Variants in MAP3K5 observed in about 807,000 individuals in gnomAD.
MAP3K5 encodes the protein mitogen-activated protein kinase kinase kinase 5.
In MAP3K5, 56 loss-of-function variants were observed where a neutral mutation model predicts 158.7. The ratio of observed to expected loss-of-function variants is 0.35; its 90% CI spans 0.28 to 0.44. The LOEUF (loss-of-function observed/expected upper bound fraction) is 0.44. Ranked by LOEUF, MAP3K5 falls within the 20% of genes least tolerant of loss-of-function variation. The probability of loss-of-function intolerance (pLI) is 1.00; values close to 1 mark genes in which losing one functional copy is unlikely to be tolerated. For missense variants in MAP3K5, 1,294 were observed against 1,674.8 expected, an observed-to-expected ratio of 0.77 and a Z score of 3.97; for synonymous variants, 579 against 601.7, an observed-to-expected ratio of 0.96 and a Z score of 0.55.
intron 1 of MAP3K5, among the ~76,000 whole-genome samples, chr6:136,763,963 C>T (rs1241992614): frequency 6.6e-6 from 1 of 152,196 alleles, no homozygotes; most frequent in Non-Finnish European, 1.5e-5. Flanking sequence ...AGGAAGCTCT[C>T]ACCAGATGCG....
intron 1 of MAP3K5, among the ~76,000 whole-genome samples, chr6:136,772,654 C>T (rs1784254049): frequency 6.6e-6 from 1 of 151,968 alleles, no homozygotes; most frequent in African/African-American, 2.4e-5. Context: ...AAAATCAAGC[C>T]GAGTTTTGAA....
intron 2 of MAP3K5, among the ~76,000 whole-genome samples, chr6:136,719,044 C>A (rs1417005291): frequency 6.6e-6 from 1 of 152,012 alleles, no homozygotes; most frequent in Non-Finnish European, 1.5e-5. Context: ...GGTGAGGTAG[C>A]ATGCATCTGT....
In MAP3K5 at chr6:136,753,540, A is replaced by C. The variant is rs144353644; in HGVS notation, c.449-32951T>G. Among the ~76,000 whole-genome samples the C allele has an allele frequency of 5.2e-3, 798 of 152,220 alleles. 3 individuals carry two copies. The highest frequency in any genetic ancestry group is 8.0e-3 in the Non-Finnish European group (543 of 67,996). On this transcript the variant is annotated intron_variant, in intron 1 of 29. Transcript: ENST00000359015. ...TCTAAAAGGACCAGAAAGCATTTTGATAATCTTGTTAAAATACTTTAAAAA... is the reference window on the plus strand; with the variant it reads ...TCTAAAAGGACCAGAAAGCATTTTGCTAATCTTGTTAAAATACTTTAAAAA...
intron 25 of MAP3K5, among the ~76,000 whole-genome samples, chr6:136,574,363 T>C: frequency 6.6e-6 from 1 of 152,248 alleles, no homozygotes; most frequent in East Asian, 1.9e-4. Context: ...TAATGTGAAC[T>C]TGGAGCACAT....
At chr6:136,792,561 G>T, upstream of MAP3K5, 1 of 181,630 alleles carries the variant, frequency 5.5e-6, no homozygotes. This position sits in a 1 kb window ranked among gnomAD's most constrained non-coding sequence, Gnocchi z 5.7. Context: ...GCGCCGCGCC[G>T]CGCCGCGCAG....
At chr6:136,739,800 G>A (rs547080044) in intron 1 of MAP3K5, among the ~76,000 whole-genome samples, 2 of 152,312 alleles carry the variant, frequency 1.3e-5, no homozygotes, top group Admixed American at 1.3e-4. Flanking sequence ...AGTCTTAGAT[G>A]TCTGTTATCC....
At chr6:136,665,697 G>T (rs1403881103) in intron 8 of MAP3K5, among the ~76,000 whole-genome samples, 1 of 152,140 alleles carries the variant, frequency 6.6e-6, no homozygotes, top group Non-Finnish European at 1.5e-5. Flanking sequence ...CTCTGAAAGA[G>T]GAAGGAAAAG....
In MAP3K5 at chr6:136,580,368, G is replaced by A; in HGVS notation, c.3450C>T (p.His1150=). 6.2e-7 allele frequency: 1 copy of A among 1,613,452 alleles called. No homozygotes were observed. The highest frequency in any genetic ancestry group is 8.5e-7 in the Non-Finnish European group (1 of 1,179,430). Residue 1150 remains histidine, a synonymous_variant, in exon 25 of 30, where the codon CAC becomes CAT. Transcript: ENST00000359015. ...TGATACTGTCTAAGGCAAACATCCA[G>A]TGCGGCTTGATGTTATGATTCCGAA... ...KVLRNHNIKP[H]WMFALDSIIR...
intron 1 of MAP3K5, among the ~76,000 whole-genome samples, chr6:136,759,832 A>C (rs1412138400): frequency 2.0e-5 from 3 of 149,398 alleles, no homozygotes; most frequent in African/African-American, 7.4e-5. Flanking sequence ...GCTGAGTCTG[A>C]AAAAAGAGTC....
intron 14 of MAP3K5, among the ~76,000 whole-genome samples, chr6:136,626,996 C>T (rs138852474): frequency 5.3e-5 from 8 of 152,230 alleles, no homozygotes; most frequent in African/African-American, 1.9e-4. Context: ...TAAGAGCTTA[C>T]AGGGTGATTA....
intron 1 of MAP3K5, among the ~76,000 whole-genome samples, chr6:136,745,293 A>G (rs1313456948): frequency 6.6e-6 from 1 of 152,158 alleles, no homozygotes; most frequent in African/African-American, 2.4e-5. Flanking sequence ...GATAAATATA[A>G]TCATGTATTT....
intron 1 of MAP3K5, among the ~76,000 whole-genome samples, chr6:136,731,491 T>A (rs1354877180): frequency 6.6e-6 from 1 of 152,236 alleles, no homozygotes; most frequent in African/African-American, 2.4e-5. Flanking sequence ...CAAATCGCCC[T>A]CTGCCTCTTT....
At chr6:136,705,629 G>C (rs1345286649) in intron 2 of MAP3K5, among the ~76,000 whole-genome samples, 1 of 152,116 alleles carries the variant, frequency 6.6e-6, no homozygotes, top group African/African-American at 2.4e-5. Flanking sequence ...ATCTGCGGAG[G>C]AGACAGGAGA....
At chr6:136,581,664 A>C (rs1429869675) in intron 24 of MAP3K5, among the ~76,000 whole-genome samples, 1 of 152,166 alleles carries the variant, frequency 6.6e-6, no homozygotes, top group African/African-American at 2.4e-5. Flanking sequence ...CCTAGTTTGG[A>C]AGAGAGTCAG....
chr6:136,792,335 GC>G lies in MAP3K5; in HGVS notation c.-179del, dbSNP rs1330480901. 2.0e-6 allele frequency: 2 copies of G among 1,013,536 alleles called. No individual in the cohort carries two copies. Among genetic ancestry groups the G allele is most frequent in the African/African-American group, 1.7e-5 (1 of 57,360 alleles). The allele number at this position is 1,013,536 out of a possible 1,614,324, so 62.8% of individuals were successfully genotyped here. ...CCCTCTCCCCCGAGGGCACGCCGCT[GC>G]CCGGCGGCGGCTCGCTCCTCCTCGG... On this transcript the variant is annotated 5_prime_UTR_variant, in exon 1 of 30. Coordinates refer to ENST00000359015, the MANE Select transcript of MAP3K5 (RefSeq NM_005923.4). This position sits in a 1 kb window ranked among gnomAD's most constrained non-coding sequence, Gnocchi z 5.7.
intron 8 of MAP3K5, among the ~76,000 whole-genome samples, chr6:136,668,229 T>G (rs1779313418): frequency 6.6e-6 from 1 of 151,806 alleles, no homozygotes; most frequent in African/African-American, 2.4e-5. Flanking sequence ...AAAAAAATTT[T>G]TTTAATTAGT....
upstream of MAP3K5, chr6:136,792,498 A>G (rs1785127877): frequency 3.6e-6 from 2 of 549,180 alleles, no homozygotes; most frequent in Non-Finnish European, 4.6e-6. This position sits in a 1 kb window ranked among gnomAD's most constrained non-coding sequence, Gnocchi z 5.7. Flanking sequence ...GCCGCGGTGC[A>G]GCTCAAGGGC....
chr6:136,586,563 T>C (rs767704909), intron 23 of MAP3K5, among the ~76,000 whole-genome samples: 1 of 152,234 alleles, frequency 6.6e-6, no homozygotes, highest in Non-Finnish European at 1.5e-5. Flanking sequence ...GGCTAGTATC[T>C]GGTGAGCCTG....
chr6:136,767,945 A>G (rs1012577776), intron 1 of MAP3K5, among the ~76,000 whole-genome samples: 4 of 152,238 alleles, frequency 2.6e-5, no homozygotes, highest in African/African-American at 9.6e-5. Flanking sequence ...CGCTAAGAAA[A>G]TCCAATGGCA....
Sources: allele counts gnomAD v4.1 joint callset (sites outside exome capture counted in the v4.1 genomes callset), GRCh38; gene constraint gnomAD v4.1.1; non-coding constraint Gnocchi (gnomAD v3.1); transcripts MANE v1.5; gene names NCBI Gene and HGNC (gene_info 2026-07-23, HGNC 2026-07-21).